CCDC178: variants seen among roughly 807,000 people sequenced by gnomAD.
The protein encoded by CCDC178 is coiled-coil domain containing 178.
Under a neutral mutation model 117.4 loss-of-function variants are expected in CCDC178, and 126 were observed. The observed-to-expected ratio is 1.07, with a 90% confidence interval of 0.93 to 1.24. CCDC178 has a LOEUF of 1.24. Among genes scored for constraint, CCDC178 ranks in the 50% most tolerant of loss-of-function variants. The pLI, the probability that CCDC178 is intolerant of heterozygous loss-of-function variation, is 0.00. For missense variants in CCDC178, 1,030 were observed against 986.9 expected (o/e 1.04, Z -0.59); for synonymous variants, 283 against 313.4 (o/e 0.90, Z 1.02).
At chr18:33,136,244 G>T (rs953765805) in intron 20 of CCDC178, among the ~76,000 whole-genome samples, 1 of 152,170 alleles carries the variant, frequency 6.6e-6, no homozygotes, top group Non-Finnish European at 1.5e-5. Context: ...ATGGTGAAAT[G>T]ACATGTTCCC....
chr18:32,939,246 T>C (rs2054186565), intron 22 of CCDC178, among the ~76,000 whole-genome samples: 1 of 152,106 alleles, frequency 6.6e-6, no homozygotes, highest in South Asian at 2.1e-4. Context: ...TATTTCTTGA[T>C]GATGGAAATA....
At chr18:32,993,431 G>A (rs1433732918) in intron 21 of CCDC178, among the ~76,000 whole-genome samples, 6 of 151,002 alleles carry the variant, frequency 4.0e-5, no homozygotes, top group African/African-American at 1.2e-4. Context: ...TTAAAAATAA[G>A]TACAAATAAG....
intron 20 of CCDC178, among the ~76,000 whole-genome samples, chr18:33,192,189 A>T (rs2058867371): frequency 6.6e-6 from 1 of 152,200 alleles, no homozygotes; most frequent in African/African-American, 2.4e-5. Flanking sequence ...CAACTGTTAT[A>T]TTAACATGTA....
chr18:32,990,240 T>C (rs934552241), intron 21 of CCDC178, among the ~76,000 whole-genome samples: 4 of 152,104 alleles, frequency 2.6e-5, no homozygotes, highest in African/African-American at 9.7e-5. Flanking sequence ...CAGTGCACTT[T>C]AGGGAACTTA....
intron 20 of CCDC178, among the ~76,000 whole-genome samples, chr18:33,093,825 C>T (rs2145078209): frequency 6.6e-6 from 1 of 151,956 alleles, no homozygotes; most frequent in South Asian, 2.1e-4. Context: ...TTATTCATTA[C>T]AATGTTATTT....
At chr18:33,331,742 G>A (rs1029270176) in intron 10 of CCDC178, among the ~76,000 whole-genome samples, 1 of 152,162 alleles carries the variant, frequency 6.6e-6, no homozygotes, top group African/African-American at 2.4e-5. Context: ...GTGGAGAAAT[G>A]AGACTTCAGT....
Position 33,091,324 on chromosome 18 carries a change from C to CTTTTTTTTTTTTTTTTTTTTTTTTTTTT in CCDC178, c.2388+1409_2388+1436dup, listed in dbSNP as rs746505005. 9.1e-5 allele frequency among the ~76,000 whole-genome samples: 4 copies of CTTTTTTTTTTTTTTTTTTTTTTTTTTTT among 43,898 alleles called. 2 individuals are homozygous for CTTTTTTTTTTTTTTTTTTTTTTTTTTTT. Among genetic ancestry groups the CTTTTTTTTTTTTTTTTTTTTTTTTTTTT allele is most frequent in the East Asian group, 1.6e-3 (2 of 1,226 alleles). The allele number at this position is 43,898 out of a possible 152,430, so 28.8% of individuals were successfully genotyped here. A position where few individuals can be genotyped will look rare whatever the true frequency, so the allele number is the denominator to read the frequency against. ...CTTTCCCAAACACACTTATTTCATT[C>CTTTTTTTTTTTTTTTTTTTTTTTTTTTT]TTTTTTTTTTTTTTTTTTTTTTTTT... On this transcript the variant is annotated intron_variant, in intron 21 of 22. Transcript: ENST00000383096.
chr18:33,308,852 T>C (rs1475349154), intron 11 of CCDC178, among the ~76,000 whole-genome samples: 2 of 152,168 alleles, frequency 1.3e-5, no homozygotes, highest in East Asian at 3.9e-4. Flanking sequence ...TTTGCTTCCC[T>C]TTCCACCATA....
At chr18:33,441,033 C>G (rs1399282953), upstream of CCDC178, 1 of 152,266 alleles carries the variant, frequency 6.6e-6, no homozygotes, top group Admixed American at 6.5e-5. Flanking sequence ...AGACTTCGTC[C>G]ACCTTCGGGA....
At chr18:33,212,583 T>A (rs1036510031) in intron 19 of CCDC178, among the ~76,000 whole-genome samples, 1 of 151,938 alleles carries the variant, frequency 6.6e-6, no homozygotes, top group East Asian at 1.9e-4. Context: ...CTGCCAATTA[T>A]GTAAGATGAT....
intron 9 of CCDC178, among the ~76,000 whole-genome samples, chr18:33,343,314 A>C (rs2144666701): frequency 6.6e-6 from 1 of 152,334 alleles, no homozygotes; most frequent in South Asian, 2.1e-4. Context: ...GAAAACTGCT[A>C]TGCATATCCA....
chr18:33,239,069 A>G (rs1443941109), intron 15 of CCDC178, among the ~76,000 whole-genome samples: 1 of 152,152 alleles, frequency 6.6e-6, no homozygotes, highest in Non-Finnish European at 1.5e-5. Context: ...TACAGAACAG[A>G]AAACCTAAGG....
chr18:33,012,459 G>T (rs1481148559), intron 21 of CCDC178, among the ~76,000 whole-genome samples: 1 of 152,074 alleles, frequency 6.6e-6, no homozygotes, highest in East Asian at 1.9e-4. Context: ...ATTTTTGCCA[G>T]CTATTAAAAT....
At chr18:33,384,311 C>T (rs1227544907) in intron 5 of CCDC178, among the ~76,000 whole-genome samples, 1 of 152,134 alleles carries the variant, frequency 6.6e-6, no homozygotes, top group Admixed American at 6.5e-5. Flanking sequence ...TCCAGGAGAA[C>T]TTCCCCAATC....
intron 21 of CCDC178, among the ~76,000 whole-genome samples, chr18:33,034,692 C>T (rs148404188): frequency 9.8e-4 from 149 of 152,094 alleles, no homozygotes; most frequent in African/African-American, 3.3e-3. Context: ...AATGATTTCA[C>T]AGTATTTTAA....
intron 21 of CCDC178, among the ~76,000 whole-genome samples, chr18:33,020,251 C>T (rs1197462221): frequency 6.6e-6 from 1 of 151,196 alleles, no homozygotes; most frequent in East Asian, 2.0e-4. Context: ...TGGCCGATAT[C>T]TCACTATTAA....
At chr18:33,258,728 A>G (rs534457960) in intron 14 of CCDC178, among the ~76,000 whole-genome samples, 1 of 152,184 alleles carries the variant, frequency 6.6e-6, no homozygotes, top group East Asian at 1.9e-4. Flanking sequence ...TTTTCTTTAA[A>G]TATAAATATA....
intron 20 of CCDC178, among the ~76,000 whole-genome samples, chr18:33,163,149 A>G (rs1250756068): frequency 6.6e-6 from 1 of 152,096 alleles, no homozygotes; most frequent in Non-Finnish European, 1.5e-5. Flanking sequence ...ATGGTATCTC[A>G]CTGTCGTTTT....
intron 8 of CCDC178, among the ~76,000 whole-genome samples, chr18:33,347,255 A>T (rs2062908913): frequency 6.6e-6 from 1 of 152,188 alleles, no homozygotes; most frequent in Non-Finnish European, 1.5e-5. Context: ...GAGGAAAAAT[A>T]GCTAAACTGC....
Sources: gnomAD v4.1 joint callset for allele counts (sites outside exome capture counted in the v4.1 genomes callset) on GRCh38, gnomAD v4.1.1 for gene constraint, MANE v1.5 for transcripts, NCBI Gene and HGNC (gene_info 2026-07-23, HGNC 2026-07-21) for gene names.